The following DPP6 variants were observed in gnomAD, a reference collection of about 807,000 sequenced individuals.
The protein encoded by DPP6 is dipeptidyl peptidase like 6.
Under a neutral mutation model 122.6 loss-of-function variants are expected in DPP6, and 69 were observed. The observed-to-expected ratio is 0.56, with a 90% CI of 0.46 to 0.69. The LOEUF is 0.69. Ranked by LOEUF, DPP6 falls within the 30% of genes least tolerant of loss-of-function variation. The pLI is 0.00. For synonymous variants in DPP6, 418 were observed against 433.1 expected (o/e 0.97, Z 0.43); for missense variants, 928 against 1,116.9 (o/e 0.83, Z 2.41).
At chr7:154,278,417 G>C (rs753107952) in intron 1 of DPP6, among the ~76,000 whole-genome samples, 1 of 152,198 alleles carries the variant, frequency 6.6e-6, no homozygotes, top group Non-Finnish European at 1.5e-5. Flanking sequence ...GGAAACTCAG[G>C]CAGGAACTAT....
Position 154,101,801 on chromosome 7 carries a change from G to A in DPP6, c.243+48738G>A, listed in dbSNP as rs192122524. Among the ~76,000 whole-genome samples the A allele has an allele frequency of 6.5e-3, 978 of 151,604 alleles. 11 individuals carry two copies. Among genetic ancestry groups the A allele is most frequent in the African/African-American group, 0.023 (935 of 41,284 alleles). ...AAATTAGCTGGGCACTGTGGCGGGC[G>A]CATGTAATCCCAGCTTCTCGGGAGG... On this transcript the variant is annotated intron_variant, in intron 1 of 25. Transcript: ENST00000377770.
chr7:154,401,078 T>C (rs1202701720), intron 1 of DPP6, among the ~76,000 whole-genome samples: 1 of 151,994 alleles, frequency 6.6e-6, no homozygotes, highest in East Asian at 1.9e-4. Context: ...GCACCTGTAA[T>C]CCCAGCTACT....
chr7:153,946,069 T>C (rs1801934935), intron 1 of DPP6, among the ~76,000 whole-genome samples: 1 of 152,088 alleles, frequency 6.6e-6, no homozygotes, highest in South Asian at 2.1e-4. Context: ...ACAAGAAACA[T>C]AGCTCTGAGC....
chr7:154,518,841 AT>A (rs943314224), intron 3 of DPP6, among the ~76,000 whole-genome samples: 10 of 151,694 alleles, frequency 6.6e-5, no homozygotes, highest in Non-Finnish European at 1.2e-4. Flanking sequence ...TAATATCCCC[AT>A]TTTTTTTCAG....
chr7:153,897,090 G>A (rs1278422761), intron 1 of DPP6, among the ~76,000 whole-genome samples: 1 of 152,018 alleles, frequency 6.6e-6, no homozygotes, highest in African/African-American at 2.4e-5. Flanking sequence ...AATTTTGTCT[G>A]TGCTATGTTA....
At chr7:153,943,826 A>G (rs1801810286) in intron 1 of DPP6, among the ~76,000 whole-genome samples, 1 of 151,236 alleles carries the variant, frequency 6.6e-6, no homozygotes, top group African/African-American at 2.4e-5. Flanking sequence ...TGTAGGTTTA[A>G]TATTTAAGCA....
intron 5 of DPP6, among the ~76,000 whole-genome samples, chr7:154,598,123 T>G (rs2130763835): frequency 6.6e-6 from 1 of 152,338 alleles, no homozygotes; most frequent in South Asian, 2.1e-4. Flanking sequence ...AATTTGGTAA[T>G]TGTCTTCTGT....
rs986531464 is a variant in DPP6, at chr7:154,618,239, G to A, written c.628-19582G>A. Among the ~76,000 whole-genome samples, 3 of 152,154 alleles carry A rather than the reference G, an allele frequency of 2.0e-5. No homozygotes were observed. The highest frequency in any genetic ancestry group is 7.2e-5 in the African/African-American group (3 of 41,442). On this transcript the variant is annotated intron_variant, in intron 5 of 25. Transcript: ENST00000377770. This position sits in a 1 kb window ranked among gnomAD's most constrained non-coding sequence, Gnocchi z 4.1. ...AAGAGGTCCAGCCCTGAGTTATTTT[G>A]CCCCTAATGGGTTTCCAGGGTCGTG...
chr7:154,420,799 G>A (rs991079808), intron 1 of DPP6, among the ~76,000 whole-genome samples: 7 of 152,086 alleles, frequency 4.6e-5, no homozygotes, highest in African/African-American at 1.7e-4. Context: ...ACATTCCACT[G>A]TAGCCCGTAA....
chr7:154,760,405 C>T lies in DPP6; in HGVS notation c.884-9012C>T, dbSNP rs921992991. On this transcript the variant is annotated intron_variant, in intron 8 of 25. Coordinates refer to ENST00000377770, the MANE Select transcript of DPP6 (RefSeq NM_130797.4). The surrounding 1 kb of genome is among the most constrained non-coding windows in gnomAD (Gnocchi z 4.5). The stretch of plus-strand genomic sequence containing the variant: ...CAGCAAGCTCATTCTGCACAGACCC[C>T]AGTTGACCAACTTGGTTCTGACAGA... Among the ~76,000 whole-genome samples the T allele has an allele frequency of 1.3e-5, 2 of 151,958 alleles. No homozygotes were observed. The highest frequency in any genetic ancestry group is 2.4e-5 in the African/African-American group (1 of 41,364).
chr7:154,169,694 T>C (rs1797438273), intron 1 of DPP6, among the ~76,000 whole-genome samples: 1 of 152,186 alleles, frequency 6.6e-6, no homozygotes, highest in South Asian at 2.1e-4. Context: ...ATGTATCTTG[T>C]CCAAGGTCCT....
upstream of DPP6, among the ~76,000 whole-genome samples, chr7:153,882,688 T>A (rs761085727): frequency 3.9e-5 from 6 of 152,162 alleles, no homozygotes; most frequent in Non-Finnish European, 7.3e-5. Flanking sequence ...CCTGCCAGAA[T>A]TAAACACATG....
At chr7:154,392,037 G>C (rs1349251046) in intron 1 of DPP6, among the ~76,000 whole-genome samples, 3 of 152,164 alleles carry the variant, frequency 2.0e-5, no homozygotes, top group African/African-American at 7.2e-5. Context: ...ACTTTGGGAG[G>C]CTGAGGCAGG....
At chr7:154,301,506 TA>T (rs1805895133) in intron 1 of DPP6, among the ~76,000 whole-genome samples, 1 of 152,188 alleles carries the variant, frequency 6.6e-6, no homozygotes, top group African/African-American at 2.4e-5. Context: ...TGCACAACTT[TA>T]GGGGGGGTAA....
intron 1 of DPP6, among the ~76,000 whole-genome samples, chr7:153,896,974 ACT>A (rs1180240354): frequency 2.0e-5 from 3 of 152,016 alleles, no homozygotes; most frequent in African/African-American, 7.2e-5. Flanking sequence ...TCTTCCTATG[ACT>A]CTGTAAATTG....
At chr7:154,610,080 G>A (rs1248322035) in intron 5 of DPP6, among the ~76,000 whole-genome samples, 1 of 152,172 alleles carries the variant, frequency 6.6e-6, no homozygotes, top group Non-Finnish European at 1.5e-5. Context: ...TGCTGGGTAT[G>A]TTCTATGAAA....
At chr7:154,061,422 GC>G (rs1273216830) in intron 1 of DPP6, among the ~76,000 whole-genome samples, 1 of 146,752 alleles carries the variant, frequency 6.8e-6, no homozygotes, top group East Asian at 1.9e-4. Context: ...GAGGCCGGTA[GC>G]CTACATCTCT....
At chr7:154,156,406 C>T (rs1301560219) in intron 1 of DPP6, among the ~76,000 whole-genome samples, 4 of 152,206 alleles carry the variant, frequency 2.6e-5, no homozygotes, top group Non-Finnish European at 4.4e-5. Flanking sequence ...TTAATATACC[C>T]TCTCCCAAAA....
At chr7:154,319,831 C>A (rs7805460) in intron 1 of DPP6, among the ~76,000 whole-genome samples, 87,596 of 150,320 alleles carry the variant, frequency 0.58, 25,810 homozygotes, top group South Asian at 0.67. Context: ...TCTCTACTAA[C>A]AATACAAAAA....
Sources: gnomAD v4.1 joint callset for allele counts (sites outside exome capture counted in the v4.1 genomes callset) on GRCh38, gnomAD v4.1.1 for gene constraint, Gnocchi (gnomAD v3.1) non-coding constraint, MANE v1.5 for transcripts, NCBI Gene and HGNC (gene_info 2026-07-23, HGNC 2026-07-21) for gene names.